ANO2: variants seen among roughly 807,000 people sequenced by gnomAD.
The protein encoded by ANO2 is anoctamin-2.
ANO2 carries 101 observed loss-of-function variants against 124.2 expected under a neutral mutation model. That is an observed-to-expected ratio of 0.81 (90% CI 0.69 to 0.96). ANO2 has a LOEUF of 0.96. Ranked by LOEUF, ANO2 falls within the 40% of genes least tolerant of loss-of-function variation. The pLI is 0.00. For missense variants in ANO2, 1,293 were observed against 1,274.5 expected, an observed-to-expected ratio of 1.01 and a Z score of -0.22; for synonymous variants, 486 against 482.5, an observed-to-expected ratio of 1.01 and a Z score of -0.09.
chr12:5,865,018 T>C (rs1439410514), intron 3 of ANO2, among the ~76,000 whole-genome samples: 8 of 152,178 alleles, frequency 5.3e-5, no homozygotes, highest in African/African-American at 1.2e-4. Flanking sequence ...ATTTGCATGA[T>C]TCCTTGATTT....
chr12:5,785,525 C>T (rs536151218), intron 10 of ANO2, among the ~76,000 whole-genome samples: 6 of 152,134 alleles, frequency 3.9e-5, no homozygotes, highest in South Asian at 2.1e-4. Context: ...CACTCACTGT[C>T]CACCTGTAGG....
chr12:5,578,421 T>C lies in ANO2; in HGVS notation c.2331A>G (p.Ala777=), dbSNP rs747932802. 2 of 1,613,846 alleles carry C rather than the reference T, an allele frequency of 1.2e-6. No homozygotes were observed. Among genetic ancestry groups the C allele is most frequent in the African/African-American group, 2.7e-5 (2 of 74,930 alleles). Reference sequence around the variant, plus strand: ...GTCTCAGCTCTGTAACAAACTTCTTTGCATCGAGCCGCACTTCAATGACGT... The same window carrying C: ...GTCTCAGCTCTGTAACAAACTTCTTCGCATCGAGCCGCACTTCAATGACGT... The part of the protein sequence containing the change: ...LNNVIEVRLD[A]KKFVTELRRP... The change falls in exon 21 of 25, where the codon GCA becomes GCG. Residue 777 remains alanine (A), a synonymous_variant. Transcript: ENST00000682330.
chr12:5,691,970 C>T (rs982692544), intron 14 of ANO2, among the ~76,000 whole-genome samples: 1 of 151,718 alleles, frequency 6.6e-6, no homozygotes, highest in Non-Finnish European at 1.5e-5. Flanking sequence ...AGAAAGATGG[C>T]AGCCAGATCT....
Position 5,900,804 on chromosome 12 carries a change from T to C in ANO2, c.534+20236A>G, listed in dbSNP as rs902034113. Among the ~76,000 whole-genome samples, 5 of 152,218 alleles carry C rather than the reference T, an allele frequency of 3.3e-5. No individual in the cohort carries two copies. In the South Asian group the frequency reaches 1.0e-3, roughly 32 times the overall value. On this transcript the variant is annotated intron_variant, in intron 3 of 24. Transcript: ENST00000682330. The surrounding 1 kb of genome is among the most constrained non-coding windows in gnomAD (Gnocchi z 4.2). ...CTGAGTATTTAATTAGAACTGGTGA[T>C]GGCTGTTTGGAAAGAGTCAAGGCCA...
intron 10 of ANO2, among the ~76,000 whole-genome samples, chr12:5,752,540 A>G (rs1465641057): frequency 2.6e-5 from 4 of 151,878 alleles, no homozygotes; most frequent in Admixed American, 6.6e-5. Context: ...CCTTTACTTA[A>G]TTTTTTTATC....
In ANO2 at chr12:5,895,729, C is replaced by G. The variant is rs143667460; in HGVS notation, c.534+25311G>C. Reference sequence around the variant, plus strand: ...CACTATGAAAAACAGTATGGAGATTCCTTAAAGAACTAAAAGTAGAACTAC... The same window carrying G: ...CACTATGAAAAACAGTATGGAGATTGCTTAAAGAACTAAAAGTAGAACTAC... On this transcript the variant is annotated intron_variant, in intron 3 of 24. Coordinates refer to ENST00000682330, the MANE Select transcript of ANO2 (RefSeq NM_001364791.2). 5.1e-3 allele frequency among the ~76,000 whole-genome samples: 779 copies of G among 152,034 alleles called. 4 individuals are homozygous for G. The highest frequency in any genetic ancestry group is 0.017 in the African/African-American group (724 of 41,456).
At chr12:5,647,395 C>T (rs368789) in intron 15 of ANO2, among the ~76,000 whole-genome samples, 63,774 of 152,046 alleles carry the variant, frequency 0.42, 15,428 homozygotes, top group African/African-American at 0.65. Flanking sequence ...GCTTCCAGAC[C>T]CTGGTCTATC....
chr12:5,797,702 G>T lies in ANO2; in HGVS notation c.1055+1805C>A, dbSNP rs149125452. Reference sequence around the variant, plus strand: ...GCTCCCCACACACATGCTGCCCAGCGTCCCATTCTCCTGAGGCTCCTTCCT... The same window carrying T: ...GCTCCCCACACACATGCTGCCCAGCTTCCCATTCTCCTGAGGCTCCTTCCT... On this transcript the variant is annotated intron_variant, in intron 10 of 24. Transcript: ENST00000682330. 1.2e-4 allele frequency among the ~76,000 whole-genome samples: 19 copies of T among 152,188 alleles called. No individual in the cohort carries two copies. In the East Asian group the frequency reaches 3.7e-3, roughly 29 times the overall value.
intron 14 of ANO2, among the ~76,000 whole-genome samples, chr12:5,700,172 T>C (rs867410265): frequency 1.3e-5 from 2 of 152,148 alleles, no homozygotes; most frequent in Non-Finnish European, 2.9e-5. Context: ...TATTCCAAAA[T>C]TGACCACATA....
At chr12:5,755,810 A>G (rs1951565155) in intron 10 of ANO2, among the ~76,000 whole-genome samples, 1 of 152,142 alleles carries the variant, frequency 6.6e-6, no homozygotes, top group African/African-American at 2.4e-5. Context: ...CATCAAATTC[A>G]ATTTTAAGGT....
chr12:5,597,956 C>T (rs535382080), intron 20 of ANO2, among the ~76,000 whole-genome samples: 1 of 152,308 alleles, frequency 6.6e-6, no homozygotes, highest in South Asian at 2.1e-4. Context: ...GTTTCTGAAG[C>T]AGACTTAATG....
intron 14 of ANO2, 111 bp downstream of exon 14, chr12:5,732,409 A>G (rs1950678099): frequency 3.6e-6 from 3 of 827,214 alleles, no homozygotes; most frequent in Non-Finnish European, 5.7e-6. Context: ...ATCCTGCCCC[A>G]CATCAACCCC....
intron 7 of ANO2, among the ~76,000 whole-genome samples, chr12:5,813,721 G>A (rs1487304920): frequency 1.3e-5 from 2 of 152,080 alleles, no homozygotes; most frequent in Admixed American, 1.3e-4. Flanking sequence ...CCACACCCCT[G>A]GTACCTGCTC....
chr12:5,647,673 TA>T (rs1172585122), intron 15 of ANO2, 53 bp downstream of exon 15: 1 of 1,331,032 alleles, frequency 7.5e-7, no homozygotes, highest in African/African-American at 1.4e-5. Flanking sequence ...AGTAGTCACA[TA>T]ACAGCATCTA....
chr12:5,689,226 G>A (rs1455506314), intron 14 of ANO2, among the ~76,000 whole-genome samples: 4 of 152,146 alleles, frequency 2.6e-5, no homozygotes, highest in African/African-American at 9.7e-5. Context: ...CTTGAGGCAG[G>A]TACATATCTG....
At chr12:5,920,477 T>C (rs1315856533) in intron 3 of ANO2, among the ~76,000 whole-genome samples, 1 of 152,068 alleles carries the variant, frequency 6.6e-6, no homozygotes, top group Non-Finnish European at 1.5e-5. Flanking sequence ...AAAGAACAGA[T>C]TGGCACACCA....
chr12:5,664,562 G>A (rs1425375146), intron 14 of ANO2, among the ~76,000 whole-genome samples: 1 of 152,176 alleles, frequency 6.6e-6, no homozygotes, highest in Non-Finnish European at 1.5e-5. Flanking sequence ...GACCCAAGAA[G>A]TTTGGTTGCT....
chr12:5,634,729 C>G (rs1945915247), intron 16 of ANO2, among the ~76,000 whole-genome samples: 1 of 152,130 alleles, frequency 6.6e-6, no homozygotes, highest in Non-Finnish European at 1.5e-5. Context: ...CCAGTAAGAC[C>G]CTCTTGGGCT....
At chr12:5,610,489 A>G (rs1300122681) in intron 19 of ANO2, among the ~76,000 whole-genome samples, 2 of 139,584 alleles carry the variant, frequency 1.4e-5, no homozygotes, top group Non-Finnish European at 3.0e-5. Context: ...ATATATCTAT[A>G]TTTCATATAG....
Sources: gnomAD v4.1 joint callset for allele counts (sites outside exome capture counted in the v4.1 genomes callset) on GRCh38, gnomAD v4.1.1 for gene constraint, Gnocchi (gnomAD v3.1) non-coding constraint, MANE v1.5 for transcripts, NCBI Gene and HGNC (gene_info 2026-07-23, HGNC 2026-07-21) for gene names.